SLC1A6: variants seen among roughly 807,000 people sequenced by gnomAD.
The protein encoded by SLC1A6 is excitatory amino acid transporter 4.
SLC1A6 carries 15 observed loss-of-function variants against 42.1 expected under a neutral mutation model. That is an observed-to-expected ratio of 0.36 (90% CI 0.24 to 0.55). SLC1A6 has a LOEUF of 0.55. SLC1A6 is among the 20% of genes least tolerant of loss of function. The probability of loss-of-function intolerance (pLI) is 0.88; values close to 1 mark genes in which losing one functional copy is unlikely to be tolerated. For missense variants in SLC1A6, 542 were observed against 772.5 expected (o/e 0.70, Z 3.54); for synonymous variants, 317 against 319.7 (o/e 0.99, Z 0.09).
chr19:14,990,754 A>G (rs1333408850), intron 1 of SLC1A6, among the ~76,000 whole-genome samples: 3 of 149,172 alleles, frequency 2.0e-5, no homozygotes, highest in Non-Finnish European at 4.4e-5. Context: ...GGGCAACAAG[A>G]GTGAGACTCT....
intron 1 of SLC1A6, among the ~76,000 whole-genome samples, chr19:15,006,936 G>C (rs762080159): frequency 6.6e-6 from 1 of 152,058 alleles, no homozygotes; most frequent in Non-Finnish European, 1.5e-5. Flanking sequence ...CTGGGTGACA[G>C]AGTGTGATCC....
intron 1 of SLC1A6, among the ~76,000 whole-genome samples, chr19:14,985,819 T>G (rs1783041667): frequency 6.6e-6 from 1 of 152,098 alleles, no homozygotes; most frequent in South Asian, 2.1e-4. Context: ...AAAAATTAGC[T>G]GGGCATGGTG....
chr19:14,986,216 AG>A (rs1387583556), intron 1 of SLC1A6, among the ~76,000 whole-genome samples: 1 of 151,898 alleles, frequency 6.6e-6, no homozygotes, highest in Non-Finnish European at 1.5e-5. Context: ...TATACTCAAG[AG>A]TCAAGATTTA....
At position 14,998,908 on chromosome 19, in the gene SLC1A6, T is replaced by C. The variant is rs567343779; in HGVS notation, c.6+11577A>G. On this transcript the variant is annotated intron_variant, in intron 1 of 8. Coordinates refer to the SLC1A6 transcript ENST00000430939. ...TATTTATTTATTTTTAATGGAGTCT[T>C]GCTCTGTCACCCAGGCTGGAGTGCA... Among the ~76,000 whole-genome samples, 876 of 150,394 alleles carry C rather than the reference T, an allele frequency of 5.8e-3. 3 individuals carry two copies. Among genetic ancestry groups the C allele is most frequent in the Non-Finnish European group, 9.3e-3 (629 of 67,402 alleles).
chr19:14,984,866 TC>T (rs2045785485), intron 1 of SLC1A6, among the ~76,000 whole-genome samples: 1 of 151,520 alleles, frequency 6.6e-6, no homozygotes, highest in African/African-American at 2.4e-5. Flanking sequence ...ATTATAATTT[TC>T]ACTCAAAAGT....
intron 1 of SLC1A6, among the ~76,000 whole-genome samples, chr19:15,000,510 C>G (rs1427109564): frequency 6.6e-6 from 1 of 152,216 alleles, no homozygotes; most frequent in African/African-American, 2.4e-5. Flanking sequence ...TAATGTCCTC[C>G]AGCTTCATCC....
At chr19:14,990,985 C>A (rs1241019091) in intron 1 of SLC1A6, among the ~76,000 whole-genome samples, 1 of 151,984 alleles carries the variant, frequency 6.6e-6, no homozygotes, top group Admixed American at 6.6e-5. Flanking sequence ...GTGTATATTT[C>A]AAAACATCAT....
At position 14,950,333 on chromosome 19, in the gene SLC1A6, G is replaced by C. The variant is rs760331483; in HGVS notation, c.1557C>G (p.Ile519Met). Residue 519 changes from isoleucine (I) to methionine (M), a missense_variant, in exon 10 of 10, where the codon ATC (isoleucine) becomes ATG (methionine). Ile to Met is a conservative substitution (Grantham distance 10). Transcript: ENST00000594383. The stretch of plus-strand genomic sequence containing the variant: ...CCAGCTCCCGCTGAGACAAGTGCTC[G>C]ATGACGGCCGCTCCAATTGAGTCCC... ...VLGDSIGAAV[I>M]EHLSQRELEL... 2 of 1,611,296 alleles carry C rather than the reference G, an allele frequency of 1.2e-6. No homozygotes were observed. The highest frequency in any genetic ancestry group is 2.2e-5 in the East Asian group (1 of 44,754).
At chr19:14,966,900 G>A (rs2214603) in intron 4 of SLC1A6, among the ~76,000 whole-genome samples, 58,777 of 151,636 alleles carry the variant, frequency 0.39, 11,790 homozygotes, top group East Asian at 0.6. Flanking sequence ...AAAGGGAGGG[G>A]GAGCATTAGG....
At chr19:14,968,878 C>T (rs1015163777) in intron 3 of SLC1A6, among the ~76,000 whole-genome samples, 9 of 142,280 alleles carry the variant, frequency 6.3e-5, no homozygotes, top group Non-Finnish European at 1.1e-4. Context: ...GACTCTCCTT[C>T]GCCCAGACTG....
intron 5 of SLC1A6, 168 bp downstream of exon 5, chr19:14,964,151 C>A: frequency 7.7e-6 from 5 of 650,502 alleles, no homozygotes; most frequent in Non-Finnish European, 8.5e-6. Flanking sequence ...CCCTAACCCC[C>A]CCAGATCACC....
chr19:15,009,053 T>C (rs1169745268), intron 1 of SLC1A6, among the ~76,000 whole-genome samples: 1 of 130,046 alleles, frequency 7.7e-6, no homozygotes, highest in Non-Finnish European at 1.6e-5. Context: ...ACAGATCACA[T>C]AGATATGCTA....
At chr19:14,978,479 C>G (rs2045735226) in intron 1 of SLC1A6, among the ~76,000 whole-genome samples, 2 of 152,070 alleles carry the variant, frequency 1.3e-5, no homozygotes, top group African/African-American at 2.4e-5. Context: ...CCCAGACAGA[C>G]ACAGTCACAT....
intron 1 of SLC1A6, among the ~76,000 whole-genome samples, chr19:14,987,234 C>T (rs372144809): frequency 1.3e-5 from 2 of 151,830 alleles, no homozygotes; most frequent in African/African-American, 4.8e-5. Flanking sequence ...TTTGGGAAGC[C>T]GAGGTGAGCG....
At chr19:14,999,576 A>T (rs769748130) in intron 1 of SLC1A6, among the ~76,000 whole-genome samples, 19 of 152,094 alleles carry the variant, frequency 1.2e-4, no homozygotes, top group Non-Finnish European at 1.5e-5. Context: ...ACTGATTGAG[A>T]CTCATCTGAG....
intron 1 of SLC1A6, among the ~76,000 whole-genome samples, chr19:15,009,334 C>CA (rs1268335546): frequency 7.5e-6 from 1 of 132,754 alleles, no homozygotes. Flanking sequence ...ATCCTATCTA[C>CA]ATGGCACATA....
rs144700064 is a variant in SLC1A6, at chr19:15,006,911, C to T, written c.6+3574G>A. Among the ~76,000 whole-genome samples, 740 of 152,258 alleles carry T rather than the reference C, an allele frequency of 4.9e-3. 11 individuals carry two copies. Among genetic ancestry groups the T allele is most frequent in the African/African-American group, 0.017 (716 of 41,552 alleles). On this transcript the variant is annotated intron_variant, in intron 1 of 8. Coordinates refer to the SLC1A6 transcript ENST00000430939. Reference sequence around the variant, plus strand: ...GAGGCTGCAGTGAGCCATGATCGTGCTACTGCACTCCAGCCTGGGTGACAG... The same window carrying T: ...GAGGCTGCAGTGAGCCATGATCGTGTTACTGCACTCCAGCCTGGGTGACAG...
At chr19:15,002,964 A>ATTTTGTTGT (rs55727450) in intron 1 of SLC1A6, among the ~76,000 whole-genome samples, 15 of 150,814 alleles carry the variant, frequency 9.9e-5, no homozygotes, top group Non-Finnish European at 1.8e-4. Flanking sequence ...TTTTTGTGGG[A>ATTTTGTTGT]TGTTGTTGTT....
intron 7 of SLC1A6, 41 bp from the exon 8 acceptor site, chr19:14,954,370 G>A (rs771071940): frequency 3.2e-6 from 5 of 1,571,704 alleles, no homozygotes; most frequent in Non-Finnish European, 3.5e-6. Context: ...GGCGTGGCCT[G>A]GTGGGGGCGG....
Sources: allele counts gnomAD v4.1 joint callset (sites outside exome capture counted in the v4.1 genomes callset), GRCh38; gene constraint gnomAD v4.1.1; transcripts MANE v1.5; gene names NCBI Gene and HGNC (gene_info 2026-07-23, HGNC 2026-07-21).